The following RAPGEF6 variants were observed in gnomAD, a reference collection of about 807,000 sequenced individuals.
The protein encoded by RAPGEF6 is PDZ domain containing guanine nucleotide exchange factor (GEF) 2.
Under a neutral mutation model 171.4 loss-of-function variants are expected in RAPGEF6, and 56 were observed. The ratio of observed to expected loss-of-function variants is 0.33; its 90% CI spans 0.26 to 0.41. RAPGEF6 has a LOEUF of 0.41. RAPGEF6 is among the 10% of genes least tolerant of loss of function. The pLI is 1.00. For synonymous variants in RAPGEF6, 692 were observed against 650.1 expected (o/e 1.06, Z -0.98); for missense variants, 1,674 against 1,921.4 (o/e 0.87, Z 2.41).
At position 131,431,061 on chromosome 5, in the gene RAPGEF6, A is replaced by C; in HGVS notation, c.4263T>G (p.Cys1421Trp). 6.2e-7 allele frequency: 1 copy of C among 1,614,218 alleles called. No homozygotes were observed. The highest frequency in any genetic ancestry group is 1.1e-5 in the South Asian group (1 of 91,082). The change falls in exon 26 of 28, where the codon TGT becomes TGG. Residue 1421 changes from cysteine to tryptophan, a missense_variant. Cys to Trp is a radical substitution (Grantham distance 215, BLOSUM62 -2). Transcript: ENST00000509018. ...TCTCTAGGCTTCCTTTACACTGCCC[A>C]CAAGTTCTAGAGCAGCTTTTAGAAC... ...YSCSKSCSRT[C>W]GQCKGSLERK...
chr5:131,525,469 T>G (rs1001996056), intron 6 of RAPGEF6, among the ~76,000 whole-genome samples: 1 of 151,994 alleles, frequency 6.6e-6, no homozygotes, highest in Non-Finnish European at 1.5e-5. Flanking sequence ...AACAGAAAAT[T>G]AAGATGCTAT....
intron 5 of RAPGEF6, among the ~76,000 whole-genome samples, chr5:131,558,391 G>A (rs904135247): frequency 1.3e-5 from 2 of 151,734 alleles, no homozygotes; most frequent in Non-Finnish European, 2.9e-5. Context: ...GATTATCTTT[G>A]ACGGGTTTAT....
intron 14 of RAPGEF6, among the ~76,000 whole-genome samples, chr5:131,491,299 A>T (rs1341022154): frequency 6.6e-6 from 1 of 152,230 alleles, no homozygotes. Flanking sequence ...AAATATCTGC[A>T]GACATTGCCA....
chr5:131,576,743 G>A (rs1223056801), intron 4 of RAPGEF6, among the ~76,000 whole-genome samples: 2 of 152,086 alleles, frequency 1.3e-5, no homozygotes, highest in African/African-American at 4.8e-5. Context: ...TCCTACTCAA[G>A]GCAAATGGTT....
chr5:131,492,700 C>A lies in RAPGEF6; in HGVS notation c.1613G>T (p.Arg538Leu), dbSNP rs368164117. ...AAGGCTGAATTGTAGAGGGGACTCGCGGGAAGCCTTTTGCAGCACAACCTG... is the reference window on the plus strand; with the variant it reads ...AAGGCTGAATTGTAGAGGGGACTCGAGGGAAGCCTTTTGCAGCACAACCTG... ...WRQVVLQKAS[R>L]ESPLQFSLNG... Residue 538 changes from arginine (R) to leucine (L), a missense_variant, in exon 14 of 28, where the codon CGC becomes CTC. By Grantham distance (102) the Arg-to-Leu change is moderately radical (BLOSUM62 -2). Transcript: ENST00000509018. 17 of 1,614,070 alleles carry A rather than the reference C, an allele frequency of 1.1e-5. No individual in the cohort carries two copies. The African/African-American group carries it at 1.7e-4, about 16-fold the overall frequency.
rs1049729813 is a variant in RAPGEF6, at chr5:131,556,864, C to T, written c.351+5114G>A. On this transcript the variant is annotated intron_variant, in intron 5 of 27. Coordinates refer to ENST00000509018, the MANE Select transcript of RAPGEF6 (RefSeq NM_016340.6). Reference sequence around the variant, plus strand: ...ACTATGGTAACTCCATACCTAAGAACATGGTATCTCTTTTTTTGTTCAAGT... The same window carrying T: ...ACTATGGTAACTCCATACCTAAGAATATGGTATCTCTTTTTTTGTTCAAGT... 2.0e-5 allele frequency among the ~76,000 whole-genome samples: 3 copies of T among 152,088 alleles called. No individual in the cohort carries two copies. The South Asian group carries it at 6.2e-4, about 32-fold the overall frequency.
At chr5:131,472,975 C>T (rs1411318232) in intron 16 of RAPGEF6, 1 of 484,548 alleles carries the variant, frequency 2.1e-6, no homozygotes, top group Non-Finnish European at 3.7e-6. Flanking sequence ...AATTCTACTA[C>T]ATCCTAATTA....
At chr5:131,521,549 C>G in intron 6 of RAPGEF6, 28 bp from the exon 7 acceptor site, 1 of 1,584,728 alleles carries the variant, frequency 6.3e-7, no homozygotes, top group Non-Finnish European at 8.6e-7. Flanking sequence ...TTAAGTTATT[C>G]TAAATGTCAA....
In RAPGEF6 at chr5:131,455,939, G is replaced by T. The variant is rs369473445; in HGVS notation, c.2938C>A (p.Leu980Ile). 6 of 1,614,096 alleles carry T rather than the reference G, an allele frequency of 3.7e-6. No individual in the cohort carries two copies. The Middle Eastern group carries it at 8.3e-4, about 222-fold the overall frequency. Residue 980 changes from leucine (L) to isoleucine (I), a missense_variant, in exon 20 of 28, where the codon CTT becomes ATT. Leu to Ile is a conservative substitution (Grantham distance 5). Around this residue, in one of 3 missense-constraint regions of RAPGEF6, gnomAD observed 1,116 missense variants for 1,321.5 expected, o/e 0.84. Transcript: ENST00000509018. ...EKLPSKYEKH[L>I]QDLQDIFDPS... ...TCAAAAATGTCTTGTAGATCTTGAA[G>T]ATGTTTCTCGTATTTGCTTGGTAAC...
chr5:131,461,896 T>A lies in RAPGEF6; in HGVS notation c.2673A>T (p.Leu891Phe). ...PTEYIDDLFK[L>F]NSKTGNTHLK... is the part of the protein sequence containing the mutation. ...AATGAGTATTTCCTGTTTTGGAATT[T>A]AACTTAAAAAGGTCATCGATGTACT... Residue 891 changes from leucine to phenylalanine, a missense_variant, in exon 19 of 28, where the codon TTA (leucine) becomes TTT (phenylalanine). Leu to Phe is a conservative substitution (Grantham distance 22, BLOSUM62 0). This residue lies in a region of RAPGEF6 where 1,116 missense variants were observed against 1,321.5 expected (regional missense o/e 0.84). Transcript: ENST00000509018. 1 of 1,614,130 alleles carries A rather than the reference T, an allele frequency of 6.2e-7. No homozygotes were observed. Among genetic ancestry groups the A allele is most frequent in the Non-Finnish European group, 8.5e-7 (1 of 1,179,978 alleles).
chr5:131,466,088 T>C (rs1411763939), intron 17 of RAPGEF6, among the ~76,000 whole-genome samples: 2 of 125,152 alleles, frequency 1.6e-5, no homozygotes, highest in African/African-American at 6.4e-5. Flanking sequence ...CTCTTGAGAC[T>C]GAGGACCAAA....
chr5:131,611,766 CTTG>C (rs887561802), intron 1 of RAPGEF6, among the ~76,000 whole-genome samples: 5 of 152,184 alleles, frequency 3.3e-5, no homozygotes, highest in African/African-American at 1.2e-4. Context: ...GTCCAACCAT[CTTG>C]TTAATAAATT....
At chr5:131,468,996 C>T (rs1241158348) in intron 17 of RAPGEF6, among the ~76,000 whole-genome samples, 1 of 152,032 alleles carries the variant, frequency 6.6e-6, no homozygotes, top group African/African-American at 2.4e-5. Flanking sequence ...TATAATAATG[C>T]ATACATAAAA....
At chr5:131,455,487 CA>C (rs1485942343) in intron 20 of RAPGEF6, among the ~76,000 whole-genome samples, 1 of 152,126 alleles carries the variant, frequency 6.6e-6, no homozygotes, top group Non-Finnish European at 1.5e-5. Context: ...CTTGATCTCC[CA>C]ACCTCATGAT....
chr5:131,574,798 A>G (rs1010339144), intron 4 of RAPGEF6, among the ~76,000 whole-genome samples: 1 of 152,058 alleles, frequency 6.6e-6, no homozygotes, highest in East Asian at 1.9e-4. Flanking sequence ...TTGGCGACCA[A>G]TCAGGCACCC....
intron 17 of RAPGEF6, among the ~76,000 whole-genome samples, chr5:131,471,438 C>T (rs971436198): frequency 2.0e-5 from 3 of 152,054 alleles, no homozygotes; most frequent in African/African-American, 7.2e-5. Flanking sequence ...ACTTATATTT[C>T]CTTCTAATAC....
chr5:131,502,315 A>C (rs150900863), intron 11 of RAPGEF6, among the ~76,000 whole-genome samples: 5 of 152,258 alleles, frequency 3.3e-5, no homozygotes, highest in African/African-American at 9.6e-5. Context: ...GTTTGTATTC[A>C]GTGCATACTA....
At chr5:131,575,080 T>C (rs1345460474) in intron 4 of RAPGEF6, among the ~76,000 whole-genome samples, 2 of 152,124 alleles carry the variant, frequency 1.3e-5, no homozygotes, top group African/African-American at 4.8e-5. Context: ...CTATCCTCCA[T>C]ACCTCCCTCC....
intron 17 of RAPGEF6, among the ~76,000 whole-genome samples, chr5:131,467,114 A>T (rs886381571): frequency 1.3e-5 from 2 of 152,196 alleles, no homozygotes; most frequent in African/African-American, 4.8e-5. Flanking sequence ...ATTTATTCAC[A>T]AAGACAGGGT....
Sources: gnomAD v4.1 joint callset for allele counts (sites outside exome capture counted in the v4.1 genomes callset) on GRCh38, gnomAD v4.1.1 for gene constraint, gnomAD v4.1.1 regional missense constraint, MANE v1.5 for transcripts, NCBI Gene and HGNC (gene_info 2026-07-23, HGNC 2026-07-21) for gene names.